SLC45A2: variants seen among roughly 807,000 people sequenced by gnomAD.
The protein encoded by SLC45A2 is membrane-associated transporter protein.
In SLC45A2, 36 loss-of-function variants were observed where a neutral mutation model predicts 45.5. The observed-to-expected ratio is 0.79, with a 90% CI of 0.61 to 1.04. The LOEUF (loss-of-function observed/expected upper bound fraction) is 1.04. Ranked by LOEUF, SLC45A2 falls within the 50% of genes least tolerant of loss-of-function variation. The pLI is 0.00. For missense variants in SLC45A2, 719 were observed against 671.0 expected (o/e 1.07, Z -0.79); for synonymous variants, 306 against 269.3 (o/e 1.14, Z -1.33).
chr5:33,980,841 G>C (rs1045533152), intron 2 of SLC45A2, among the ~76,000 whole-genome samples: 4 of 152,206 alleles, frequency 2.6e-5, no homozygotes, highest in African/African-American at 4.8e-5. Flanking sequence ...TGCCAGGTAC[G>C]GTAGCCAAGA....
At chr5:33,966,481 C>T (rs1265685962) in intron 2 of SLC45A2, among the ~76,000 whole-genome samples, 1 of 141,154 alleles carries the variant, frequency 7.1e-6, no homozygotes, top group African/African-American at 2.8e-5. Flanking sequence ...TCGCCCAGGC[C>T]GGACTGCGGA....
In SLC45A2 at chr5:33,984,311, G is replaced by C. The variant is rs1322075661; in HGVS notation, c.273C>G (p.Ala91=). ...CCCACCTGGACCGGCAGTGGTCGCT[G>C]GCCGATCCGACCACGGGCTGCAGCA... ...GFLLQPVVGS[A]SDHCRSRWGR... The change falls in exon 1 of 7, where the codon GCC becomes GCG. Residue 91 remains alanine, a synonymous_variant. Transcript: ENST00000296589. 1 of 1,614,006 alleles carries C rather than the reference G, an allele frequency of 6.2e-7. No individual in the cohort carries two copies. The highest frequency in any genetic ancestry group is 8.5e-7 in the Non-Finnish European group (1 of 1,180,040).
chr5:33,962,925 G>A (rs145129007), intron 3 of SLC45A2, among the ~76,000 whole-genome samples: 2 of 152,290 alleles, frequency 1.3e-5, no homozygotes, highest in East Asian at 3.9e-4. Context: ...TTAGCTTGAA[G>A]GAAAATGCAA....
intron 3 of SLC45A2, among the ~76,000 whole-genome samples, chr5:33,960,488 C>T (rs1470941459): frequency 1.3e-5 from 2 of 152,034 alleles, no homozygotes; most frequent in East Asian, 1.9e-4. Context: ...GAATATTATT[C>T]TAAGTGAAGT....
At chr5:33,968,751 A>C (rs1040016734) in intron 2 of SLC45A2, among the ~76,000 whole-genome samples, 1 of 152,168 alleles carries the variant, frequency 6.6e-6, no homozygotes, top group Non-Finnish European at 1.5e-5. Flanking sequence ...CTCTGCACCT[A>C]CCATCTGCCT....
At chr5:33,983,535 T>C (rs577666848) in intron 1 of SLC45A2, among the ~76,000 whole-genome samples, 1 of 152,380 alleles carries the variant, frequency 6.6e-6, no homozygotes, top group African/African-American at 2.4e-5. Context: ...TAATCACCGA[T>C]TCTGCTAGCT....
At chr5:33,947,872 C>T (rs959216889) in intron 5 of SLC45A2, among the ~76,000 whole-genome samples, 1 of 152,214 alleles carries the variant, frequency 6.6e-6, no homozygotes, top group Non-Finnish European at 1.5e-5. Flanking sequence ...TAGCCCCCAT[C>T]TGAATGGAGT....
At chr5:33,956,813 G>A (rs1345178748) in intron 3 of SLC45A2, among the ~76,000 whole-genome samples, 1 of 152,088 alleles carries the variant, frequency 6.6e-6, no homozygotes, top group East Asian at 1.9e-4. Flanking sequence ...AAATCTCCAG[G>A]ACCCCCAGTT....
intron 3 of SLC45A2, among the ~76,000 whole-genome samples, chr5:33,960,098 T>C (rs1359204327): frequency 6.6e-6 from 1 of 152,134 alleles, no homozygotes; most frequent in Non-Finnish European, 1.5e-5. Context: ...AAAAAGGATA[T>C]TACCCAGGAA....
At chr5:33,966,488 C>T (rs1334327955) in intron 2 of SLC45A2, among the ~76,000 whole-genome samples, 5 of 135,066 alleles carry the variant, frequency 3.7e-5, no homozygotes, top group African/African-American at 1.4e-4. Context: ...GGCCGGACTG[C>T]GGACTGCAGT....
intron 5 of SLC45A2, among the ~76,000 whole-genome samples, chr5:33,950,592 T>G (rs1752069602): frequency 6.6e-6 from 1 of 152,086 alleles, no homozygotes; most frequent in Non-Finnish European, 1.5e-5. Context: ...GAAGGGGCCC[T>G]CACATACATC....
intron 2 of SLC45A2, among the ~76,000 whole-genome samples, chr5:33,977,766 G>A (rs762661622): frequency 1.3e-5 from 2 of 152,192 alleles, no homozygotes; most frequent in African/African-American, 4.8e-5. Context: ...ATTATTCAGA[G>A]CACAGAGAAT....
chr5:33,955,724 A>G (rs1017222860), intron 3 of SLC45A2, among the ~76,000 whole-genome samples: 4 of 152,172 alleles, frequency 2.6e-5, no homozygotes, highest in African/African-American at 9.7e-5. Context: ...AAAATTATGC[A>G]TGGATTCCAA....
chr5:33,958,624 C>T lies in SLC45A2; in HGVS notation c.889-4120G>A, dbSNP rs372765058. On this transcript the variant is annotated intron_variant, in intron 3 of 6. Coordinates refer to ENST00000296589, the MANE Select transcript of SLC45A2 (RefSeq NM_016180.5). The stretch of plus-strand genomic sequence containing the variant: ...ATCAAACACTTGGGTTCAATGGATC[C>T]TCCCACCTTGGCCTCATGAGTTGCT... Among the ~76,000 whole-genome samples the T allele has an allele frequency of 2.6e-5, 4 of 152,282 alleles. No homozygotes were observed. In the South Asian group the frequency reaches 8.3e-4, roughly 32 times the overall value.
chr5:33,968,322 A>C (rs930839920), intron 2 of SLC45A2, among the ~76,000 whole-genome samples: 11 of 152,180 alleles, frequency 7.2e-5, no homozygotes, highest in Non-Finnish European at 1.6e-4. Context: ...CCACACCTAC[A>C]TCCAGACTGT....
At chr5:33,946,546 G>C in intron 6 of SLC45A2, 1 of 989,788 alleles carries the variant, frequency 1.0e-6, no homozygotes, top group Non-Finnish European at 1.2e-6. Context: ...GCACTGCATA[G>C]GCGCTTGTTC....
intron 3 of SLC45A2, among the ~76,000 whole-genome samples, chr5:33,959,129 G>A (rs1458520349): frequency 6.6e-6 from 1 of 151,886 alleles, no homozygotes. Flanking sequence ...GAAAATTAAA[G>A]CTTCCTGTGA....
chr5:33,954,532 G>C (rs1359148846), intron 3 of SLC45A2, 28 bp from the exon 4 acceptor site: 1 of 1,612,482 alleles, frequency 6.2e-7, no homozygotes, highest in Admixed American at 1.7e-5. Context: ...ACAGAGGTGT[G>C]ATCTTCACTG....
chr5:33,946,524 A>G, intron 6 of SLC45A2: 3 of 985,632 alleles, frequency 3.0e-6, no homozygotes, highest in Non-Finnish European at 3.6e-6. Flanking sequence ...GGAAACACCA[A>G]CTCTGTTATA....
Sources: allele counts gnomAD v4.1 joint callset (sites outside exome capture counted in the v4.1 genomes callset), GRCh38; gene constraint gnomAD v4.1.1; transcripts MANE v1.5; gene names NCBI Gene and HGNC (gene_info 2026-07-23, HGNC 2026-07-21).